PIN1: variants seen among roughly 807,000 people sequenced by gnomAD.
PIN1 encodes the protein peptidylprolyl cis/trans isomerase, NIMA-interacting 1.
A neutral mutation model predicts 19.9 loss-of-function variants in PIN1; 8 were observed. The ratio of observed to expected loss-of-function variants is 0.40; its 90% confidence interval spans 0.24 to 0.72. The LOEUF is 0.72. PIN1 is among the 30% of genes least tolerant of loss of function. The pLI is 0.37. For missense variants in PIN1, 185 were observed against 226.5 expected, an observed-to-expected ratio of 0.82 and a Z score of 1.18; for synonymous variants, 86 against 90.8, an observed-to-expected ratio of 0.95 and a Z score of 0.30.
intron 3 of PIN1, among the ~76,000 whole-genome samples, chr19:9,848,827 C>T (rs1489488237): frequency 2.0e-5 from 3 of 152,152 alleles, no homozygotes; most frequent in Non-Finnish European, 4.4e-5. Context: ...CGAAGTGGCC[C>T]CTAAATGCAC....
intron 1 of PIN1, chr19:9,836,741 G>A (rs759540352): frequency 4.8e-4 from 432 of 902,960 alleles, no homozygotes; most frequent in Admixed American, 1.1e-3. Flanking sequence ...CACCATGCAC[G>A]GTGTAGTAGC....
chr19:9,835,683 C>T, intron 1 of PIN1: 1 of 447,126 alleles, frequency 2.2e-6, no homozygotes, highest in Non-Finnish European at 3.9e-6. Context: ...TGATACCTCT[C>T]GGCCTAATGC....
intron 3 of PIN1, chr19:9,848,707 G>C (rs2046245219): frequency 3.3e-6 from 1 of 299,638 alleles, no homozygotes; most frequent in Non-Finnish European, 6.4e-6. Context: ...TGTCTTAGTG[G>C]GGTGGGGCGG....
chr19:9,845,785 A>T (rs1289254267), intron 2 of PIN1, among the ~76,000 whole-genome samples: 1 of 152,192 alleles, frequency 6.6e-6, no homozygotes, highest in Admixed American at 6.5e-5. Flanking sequence ...AGAGAGGACA[A>T]CTTGGGCGGG....
intron 1 of PIN1, chr19:9,836,552 A>G (rs2046107741): frequency 4.7e-5 from 14 of 296,306 alleles, no homozygotes; most frequent in South Asian, 4.0e-4. Context: ...GCTCAGTTCA[A>G]CCCTGATGGC....
In PIN1 at chr19:9,838,050, G is replaced by A. The variant is rs1465905561; in HGVS notation, c.59-386G>A. The A allele has an allele frequency of 3.0e-6, 1 of 338,478 alleles. No individual in the cohort carries two copies. Among genetic ancestry groups the A allele is most frequent in the Non-Finnish European group, 5.7e-6 (1 of 175,440 alleles). 21.0% of individuals were successfully genotyped at this position (338,478 alleles called of 1,614,324 possible). On this transcript the variant is annotated intron_variant, in intron 1 of 3. Coordinates refer to ENST00000247970, the MANE Select transcript of PIN1 (RefSeq NM_006221.4). The surrounding 1 kb of genome is among the most constrained non-coding windows in gnomAD (Gnocchi z 5.8). ...GGCCCAGGGAAGATATATCACATTTGAACCCAGATTCAGATTTGAATCCAG... is the reference window on the plus strand; with the variant it reads ...GGCCCAGGGAAGATATATCACATTTAAACCCAGATTCAGATTTGAATCCAG...
Position 9,849,326 on chromosome 19 carries a change from C to T in PIN1, c.*127C>T. 1 of 744,206 alleles carries T rather than the reference C, an allele frequency of 1.3e-6. No individual in the cohort carries two copies. The highest frequency in any genetic ancestry group is 2.4e-6 in the Non-Finnish European group (1 of 420,964). 46.1% of individuals were successfully genotyped at this position (744,206 alleles called of 1,614,324 possible). On this transcript the variant is annotated 3_prime_UTR_variant, in exon 4 of 4. Transcript: ENST00000247970. ...ACCGTCACACAGTATTTATTGTTCCCACAATGGCTGGGAGGGGGCCCTTCC... is the reference window on the plus strand; with the variant it reads ...ACCGTCACACAGTATTTATTGTTCCTACAATGGCTGGGAGGGGGCCCTTCC...
At chr19:9,847,662 C>T (rs2046232419) in intron 2 of PIN1, among the ~76,000 whole-genome samples, 1 of 151,974 alleles carries the variant, frequency 6.6e-6, no homozygotes, top group African/African-American at 2.4e-5. Flanking sequence ...CTGGCCCATC[C>T]AGCTTGTATG....
At chr19:9,847,613 C>A (rs2046231863) in intron 2 of PIN1, among the ~76,000 whole-genome samples, 1 of 152,200 alleles carries the variant, frequency 6.6e-6, no homozygotes, top group Non-Finnish European at 1.5e-5. Context: ...GGGGCCAGCC[C>A]CCTGCCTGGG....
chr19:9,848,563 C>T, intron 3 of PIN1: 1 of 272,076 alleles, frequency 3.7e-6, no homozygotes, highest in South Asian at 4.2e-5. Flanking sequence ...TGAGTTTAGG[C>T]CTGTCTGGCC....
chr19:9,838,376 G>C lies in PIN1; in HGVS notation c.59-60G>C. The C allele has an allele frequency of 7.2e-7, 1 of 1,382,162 alleles. No homozygotes were observed. The highest frequency in any genetic ancestry group is 1.0e-6 in the Non-Finnish European group (1 of 991,660). 85.6% of individuals were successfully genotyped at this position (1,382,162 alleles called of 1,614,324 possible). On this transcript the variant is annotated intron_variant, in intron 1 of 3. Coordinates refer to ENST00000247970, the MANE Select transcript of PIN1 (RefSeq NM_006221.4). The surrounding 1 kb of genome is among the most constrained non-coding windows in gnomAD (Gnocchi z 5.8). Reference sequence around the variant, plus strand: ...GCCCTCACCCTGGCTTCTGGCTGTGGGCCCAGGGGTGTCCTGGGAGCACAA... The same window carrying C: ...GCCCTCACCCTGGCTTCTGGCTGTGCGCCCAGGGGTGTCCTGGGAGCACAA...
chr19:9,838,442 T>G lies in PIN1; in HGVS notation c.65T>G (p.Val22Gly). 1 of 1,603,012 alleles carries G rather than the reference T, an allele frequency of 6.2e-7. No individual in the cohort carries two copies. The highest frequency in any genetic ancestry group is 8.5e-7 in the Non-Finnish European group (1 of 1,176,472). Residue 22 changes from valine to glycine, a missense_variant, in exon 2 of 4, where the codon GTG becomes GGG. Transcript: ENST00000247970. The surrounding 1 kb of genome is among the most constrained non-coding windows in gnomAD (Gnocchi z 5.8). ...TGCCTGCCCTCCCCTCCAGGCCGAG[T>G]GTACTACTTCAACCACATCACTAAC... ...EKRMSRSSGRVYYFNHITNAS... is the reference protein window; with the variant it reads ...EKRMSRSSGRGYYFNHITNAS...
chr19:9,849,149 G>A lies in PIN1; in HGVS notation c.442G>A (p.Gly148Arg), dbSNP rs139473099. ...TGCGCTGCGGACGGGGGAGATGAGCGGGCCCGTGTTCACGGATTCCGGCAT... is the reference window on the plus strand; with the variant it reads ...TGCGCTGCGGACGGGGGAGATGAGCAGGCCCGTGTTCACGGATTCCGGCAT... ...SFALRTGEMSGPVFTDSGIHI... is the reference protein window; with the variant it reads ...SFALRTGEMSRPVFTDSGIHI... The change falls in exon 4 of 4, where the codon GGG (glycine) becomes AGG (arginine). Residue 148 changes from glycine to arginine, a missense_variant. Transcript: ENST00000247970. 6 of 1,613,574 alleles carry A rather than the reference G, an allele frequency of 3.7e-6. No individual in the cohort carries two copies. Among genetic ancestry groups the A allele is most frequent in the Non-Finnish European group, 5.1e-6 (6 of 1,179,786 alleles).
intron 1 of PIN1, chr19:9,835,769 C>G (rs1229394065): frequency 1.1e-5 from 3 of 281,504 alleles, no homozygotes; most frequent in Non-Finnish European, 1.3e-5. Context: ...CCCCAGTACC[C>G]TGCAAAGGGC....
rs199880298 is a variant in PIN1, at chr19:9,838,632, C to A, written c.255C>A (p.Ala85=). 5.6e-5 allele frequency: 86 copies of A among 1,545,436 alleles called. No homozygotes were observed. The highest frequency in any genetic ancestry group is 7.1e-5 in the Non-Finnish European group (82 of 1,147,090). Residue 85 remains alanine, a synonymous_variant, in exon 2 of 4, where the codon GCC becomes GCA. Coordinates refer to ENST00000247970, the MANE Select transcript of PIN1 (RefSeq NM_006221.4). This position sits in a 1 kb window ranked among gnomAD's most constrained non-coding sequence, Gnocchi z 5.8. The part of the protein sequence containing the change: ...QEKITRTKEE[A]LELINGYIQK... ...AGATCACCCGGACCAAGGAGGAGGC[C>A]CTGGAGCTGATCAACGGTGAGCAGG...
chr19:9,847,753 C>G (rs1178343022), intron 2 of PIN1, among the ~76,000 whole-genome samples: 1 of 152,160 alleles, frequency 6.6e-6, no homozygotes, highest in Non-Finnish European at 1.5e-5. Context: ...GATGTGAGAC[C>G]TGCAGGGTGG....
chr19:9,845,058 T>C (rs921135893), intron 2 of PIN1, among the ~76,000 whole-genome samples: 8 of 152,018 alleles, frequency 5.3e-5, no homozygotes, highest in African/African-American at 9.7e-5. Context: ...TAGGGGAGGC[T>C]TCTTGGGGAG....
At chr19:9,837,395 C>G (rs2046119294) in intron 1 of PIN1, 1 of 157,108 alleles carries the variant, frequency 6.4e-6, no homozygotes, top group South Asian at 1.8e-4. Context: ...CTCAGGTGAT[C>G]CACCTGCCTC....
rs2046138666 is a variant in PIN1 at position 9,838,907 on chromosome 19, G to C, written c.271+259G>C. Among the ~76,000 whole-genome samples, 1 of 152,190 alleles carries C rather than the reference G, an allele frequency of 6.6e-6. No homozygotes were observed. Among genetic ancestry groups the C allele is most frequent in the Non-Finnish European group, 1.5e-5 (1 of 68,038 alleles). On this transcript the variant is annotated intron_variant, in intron 2 of 3. Coordinates refer to ENST00000247970, the MANE Select transcript of PIN1 (RefSeq NM_006221.4). The surrounding 1 kb of genome is among the most constrained non-coding windows in gnomAD (Gnocchi z 5.8). ...GCAGACATGGGTTCAGGTAGTAGCT[G>C]TGCCTCTGTGAACTCTGTGACCTTT...
Sources: gnomAD v4.1 joint callset for allele counts (sites outside exome capture counted in the v4.1 genomes callset) on GRCh38, gnomAD v4.1.1 for gene constraint, Gnocchi (gnomAD v3.1) non-coding constraint, MANE v1.5 for transcripts, NCBI Gene and HGNC (gene_info 2026-07-23, HGNC 2026-07-21) for gene names.